Variants in USP28 observed in about 807,000 individuals in gnomAD.
The protein encoded by USP28 is ubiquitin specific peptidase 28.
USP28 carries 113 observed loss-of-function variants against 145.0 expected under a neutral mutation model. The observed-to-expected ratio is 0.78, with a 90% CI of 0.67 to 0.91. The LOEUF (loss-of-function observed/expected upper bound fraction) is 0.91, where lower values mean the gene tolerates loss of function less well. USP28 is among the 40% of genes least tolerant of loss of function. The probability of loss-of-function intolerance (pLI) is 0.00; values close to 1 mark genes in which losing one functional copy is unlikely to be tolerated. For synonymous variants in USP28, 447 were observed against 450.9 expected (o/e 0.99, Z 0.11); for missense variants, 1,201 against 1,289.6 (o/e 0.93, Z 1.05).
intron 18 of USP28, chr11:113,808,023 C>T (rs962915948): frequency 8.0e-7 from 1 of 1,243,464 alleles, no homozygotes; most frequent in Admixed American, 3.4e-5. Flanking sequence ...CTTCAGAGAC[C>T]TCAGAATTAG....
chr11:113,806,874 C>A (rs1940067104), intron 18 of USP28, among the ~76,000 whole-genome samples: 1 of 152,178 alleles, frequency 6.6e-6, no homozygotes, highest in East Asian at 1.9e-4. Context: ...CAATATGGCA[C>A]TGCTGAAGAA....
intron 3 of USP28, among the ~76,000 whole-genome samples, chr11:113,843,164 G>A (rs59712995): frequency 0.011 from 1,701 of 152,184 alleles, 31 homozygotes; most frequent in African/African-American, 0.037. Context: ...CCCAGGAGGC[G>A]GAGGTTGCAA....
chr11:113,804,161 T>C (rs867331134), intron 21 of USP28, among the ~76,000 whole-genome samples: 21 of 152,228 alleles, frequency 1.4e-4, no homozygotes, highest in African/African-American at 4.8e-4. Context: ...GTAAAAGATA[T>C]TCAGCTCTAG....
At chr11:113,829,824 CAAAAA>C (rs5794883) in intron 9 of USP28, among the ~76,000 whole-genome samples, 5 of 104,698 alleles carry the variant, frequency 4.8e-5, no homozygotes, top group African/African-American at 1.5e-4. Context: ...GGACTTGTCT[CAAAAA>C]AAAAAAAAAA....
At chr11:113,804,728 G>A (rs1195857762) in exon 21 of USP28, 3 of 1,614,130 alleles carry the variant, frequency 1.9e-6, no homozygotes, top group Non-Finnish European at 2.5e-6. Flanking sequence ...TTTCGCTTGA[G>A]CCACCTTCAT....
At chr11:113,852,822 G>A (rs1453411273) in intron 2 of USP28, among the ~76,000 whole-genome samples, 189 bp from the exon 3 acceptor site, 1 of 152,104 alleles carries the variant, frequency 6.6e-6, no homozygotes. Flanking sequence ...CTCATTACAG[G>A]AGGGAGTTTC....
intron 12 of USP28, among the ~76,000 whole-genome samples, chr11:113,822,191 C>T (rs1489000781): frequency 6.6e-6 from 1 of 152,126 alleles, no homozygotes; most frequent in East Asian, 1.9e-4. Context: ...GCGGCTCACG[C>T]CTATAATCCC....
At position 113,799,489 on chromosome 11, in the gene USP28, A is replaced by G. The variant is rs1938547502; in HGVS notation, c.3059-74T>C. The G allele has an allele frequency of 3.3e-6, 5 of 1,507,664 alleles. No individual in the cohort carries two copies. In the South Asian group the frequency reaches 3.9e-5, roughly 12 times the overall value. The allele number at this position is 1,507,664 out of a possible 1,614,324, so 93.4% of individuals were successfully genotyped here. A position where few individuals can be genotyped will look rare whatever the true frequency, so the allele number is the denominator to read the frequency against. ...AGTAAAAGTGAACAAGCCTTCTATT[A>G]GCCCCTTACCTAACCTCAAAGGTCA... On this transcript the variant is annotated intron_variant, in intron 24 of 24. Coordinates refer to ENST00000003302, the Ensembl canonical transcript of USP28.
chr11:113,812,919 C>T (rs192398672), intron 15 of USP28, among the ~76,000 whole-genome samples: 4 of 152,300 alleles, frequency 2.6e-5, no homozygotes, highest in African/African-American at 7.2e-5. Flanking sequence ...TATTTGGCAA[C>T]AAAATTTAAG....
chr11:113,803,247 A>G (rs757498286), exon 23 of USP28: 1 of 1,614,006 alleles, frequency 6.2e-7, no homozygotes, highest in Admixed American at 1.7e-5. Flanking sequence ...TTGCTCTGGT[A>G]GGCATATACC....
chr11:113,855,287 A>T (rs1946925083), intron 1 of USP28, among the ~76,000 whole-genome samples: 1 of 152,190 alleles, frequency 6.6e-6, no homozygotes, highest in African/African-American at 2.4e-5. Context: ...TCTTCACTCT[A>T]TCATTTTATC....
intron 1 of USP28, among the ~76,000 whole-genome samples, chr11:113,862,158 C>T (rs1947762421): frequency 6.6e-6 from 1 of 151,958 alleles, no homozygotes; most frequent in African/African-American, 2.4e-5. Context: ...ACCAGCCTGG[C>T]CAACACGGTG....
chr11:113,803,069 A>T, intron 23 of USP28, 89 bp downstream of exon 24: 1 of 1,374,046 alleles, frequency 7.3e-7, no homozygotes, highest in Non-Finnish European at 9.7e-7. Context: ...TGTTGGAGAT[A>T]GTCTGTTTTG....
intron 2 of USP28, 113 bp from the exon 3 acceptor site, chr11:113,852,746 C>G (rs1946615382): frequency 8.1e-7 from 1 of 1,227,590 alleles, no homozygotes; most frequent in South Asian, 1.4e-5. Flanking sequence ...AGGCATAATT[C>G]TAGGGTAGAA....
chr11:113,799,448 G>C, intron 24 of USP28, 33 bp from the exon 26 acceptor site: 1 of 1,589,734 alleles, frequency 6.3e-7, no homozygotes, highest in Non-Finnish European at 8.5e-7. Flanking sequence ...TACATATACA[G>C]CTAAACAGAT....
exon 5 of USP28, chr11:113,840,625 A>T: frequency 6.2e-7 from 1 of 1,614,148 alleles, no homozygotes; most frequent in Non-Finnish European, 8.5e-7. Flanking sequence ...ACCAACATGT[A>T]TTGCCAACAT....
At position 113,818,904 on chromosome 11, in the gene USP28, A is replaced by G. The variant is rs551903384; in HGVS notation, c.1284-1067T>C. Among the ~76,000 whole-genome samples, 3 of 151,636 alleles carry G rather than the reference A, an allele frequency of 2.0e-5. No individual in the cohort carries two copies. The South Asian group carries it at 6.2e-4, about 32-fold the overall frequency. On this transcript the variant is annotated intron_variant, in intron 12 of 24. Coordinates refer to ENST00000003302, the Ensembl canonical transcript of USP28. ...CACCAAAAAAAAAAAAACAAAGAAG[A>G]CAAGACATAATCATTTTCATGTTCA... is the stretch of plus-strand genomic sequence containing the variant.
At chr11:113,874,578 T>C (rs1949183446) in intron 1 of USP28, 1 of 1,288,968 alleles carries the variant, frequency 7.8e-7, no homozygotes. Context: ...CAAACTCGTA[T>C]TTGAACAACT....
At chr11:113,800,747 T>C (rs1244786911) in intron 24 of USP28, among the ~76,000 whole-genome samples, 1 of 152,116 alleles carries the variant, frequency 6.6e-6, no homozygotes, top group African/African-American at 2.4e-5. Context: ...AGTCCACTAA[T>C]TAATCTTGAA....
Sources: allele counts gnomAD v4.1 joint callset (sites outside exome capture counted in the v4.1 genomes callset), GRCh38; gene constraint gnomAD v4.1.1; transcripts MANE v1.5; gene names NCBI Gene and HGNC (gene_info 2026-07-23, HGNC 2026-07-21).